PEPD: variants seen among roughly 807,000 people sequenced by gnomAD.
The protein encoded by PEPD is peptidase D.
PEPD carries 53 observed loss-of-function variants against 60.7 expected under a neutral mutation model. That is an observed-to-expected ratio of 0.87 (90% CI 0.70 to 1.10). The LOEUF (loss-of-function observed/expected upper bound fraction) is 1.10. Among genes scored for constraint, PEPD ranks in the 50% least tolerant of loss-of-function variants. The pLI, the probability that PEPD is intolerant of heterozygous loss-of-function variation, is 0.00. For synonymous variants in PEPD, 267 were observed against 284.1 expected (o/e 0.94, Z 0.60); for missense variants, 711 against 711.9 (o/e 1.00, Z 0.01).
chr19:33,463,939 A>G (rs1198963927), intron 8 of PEPD, 48 bp downstream of exon 8: 4 of 1,291,024 alleles, frequency 3.1e-6, no homozygotes, highest in Non-Finnish European at 4.5e-6. Flanking sequence ...CTCTCGCCAC[A>G]CAGCAACACT....
At chr19:33,518,857 G>A (rs993694608) in intron 1 of PEPD, among the ~76,000 whole-genome samples, 7 of 152,172 alleles carry the variant, frequency 4.6e-5, no homozygotes, top group Admixed American at 2.6e-4. Context: ...TGAGTGTTCT[G>A]GAGTTCTGAG....
intron 1 of PEPD, among the ~76,000 whole-genome samples, chr19:33,518,210 G>GC (rs1371229491): frequency 6.6e-6 from 1 of 152,166 alleles, no homozygotes; most frequent in African/African-American, 2.4e-5. Context: ...GTCTCCTGGG[G>GC]CGGATAGGGG....
At chr19:33,430,642 A>G (rs1461615902) in intron 9 of PEPD, among the ~76,000 whole-genome samples, 1 of 152,188 alleles carries the variant, frequency 6.6e-6, no homozygotes, top group East Asian at 1.9e-4. Context: ...TGGCATATGT[A>G]TCTTTTTATC....
intron 10 of PEPD, 70 bp downstream of exon 10, chr19:33,413,504 GC>G (rs1207532089): frequency 6.0e-6 from 5 of 832,954 alleles, no homozygotes; most frequent in Non-Finnish European, 8.1e-6. Flanking sequence ...GGATGGTGGA[GC>G]CCCCCACTCA....
chr19:33,472,161 CA>C (rs35352427), intron 7 of PEPD, among the ~76,000 whole-genome samples: 3,482 of 126,686 alleles, frequency 0.027, 135 homozygotes, highest in African/African-American at 0.084. Flanking sequence ...AACTCCATCT[CA>C]AAAAAAAAAA....
intron 3 of PEPD, among the ~76,000 whole-genome samples, chr19:33,503,437 G>A (rs994007128): frequency 1.3e-5 from 2 of 152,170 alleles, no homozygotes; most frequent in South Asian, 2.1e-4. Context: ...AAATGGCCAA[G>A]GTCTGACACC....
chr19:33,487,027 C>T (rs1243045150), intron 6 of PEPD: 1 of 152,380 alleles, frequency 6.6e-6, no homozygotes, highest in Non-Finnish European at 1.5e-5. Context: ...TGAGAGGCAA[C>T]TGGGGCGGAA....
At position 33,471,363 on chromosome 19, in the gene PEPD, T is replaced by C. The variant is rs927277414; in HGVS notation, c.548+6683A>G. ...ATCTCACAGCACAAACACCAGAAAC[T>C]GTTTTTAAGATAACTGTAGAAAAGA... On this transcript the variant is annotated intron_variant, in intron 7 of 14. Transcript: ENST00000244137. 2.6e-5 allele frequency among the ~76,000 whole-genome samples: 4 copies of C among 152,316 alleles called. 1 individual carries two copies. The highest frequency in any genetic ancestry group is 2.6e-4 in the Admixed American group (4 of 15,308).
chr19:33,464,196 C>T, intron 7 of PEPD, 134 bp from the exon 8 acceptor site: 4 of 712,982 alleles, frequency 5.6e-6, no homozygotes, highest in East Asian at 5.3e-5. Context: ...CAGAGTGGGG[C>T]CACCAAGGCC....
chr19:33,503,685 C>T (rs764898024), intron 3 of PEPD, among the ~76,000 whole-genome samples: 4 of 152,218 alleles, frequency 2.6e-5, no homozygotes, highest in Non-Finnish European at 4.4e-5. Flanking sequence ...CTGGGATCAA[C>T]ACATCAACTC....
intron 6 of PEPD, among the ~76,000 whole-genome samples, chr19:33,488,132 G>A (rs1453181294): frequency 6.6e-6 from 1 of 152,084 alleles, no homozygotes; most frequent in Non-Finnish European, 1.5e-5. Flanking sequence ...CGCTGAGAAG[G>A]CCCTCGACTC....
At chr19:33,498,144 G>A (rs545398601) in intron 4 of PEPD, among the ~76,000 whole-genome samples, 3 of 152,186 alleles carry the variant, frequency 2.0e-5, no homozygotes, top group South Asian at 2.1e-4. Context: ...AGCATGAAGC[G>A]CTTGCTCTGC....
At chr19:33,415,584 C>G (rs570536512) in intron 9 of PEPD, among the ~76,000 whole-genome samples, 174 of 152,294 alleles carry the variant, frequency 1.1e-3, no homozygotes, top group Non-Finnish European at 2.1e-3. Flanking sequence ...GCTCTCTCGC[C>G]TGCAGCAAGC....
chr19:33,461,138 A>G (rs944801237), intron 9 of PEPD, among the ~76,000 whole-genome samples: 4 of 152,226 alleles, frequency 2.6e-5, no homozygotes, highest in Non-Finnish European at 5.9e-5. Context: ...AGTAGAAAAA[A>G]GTTCTCACCA....
At position 33,419,280 on chromosome 19, in the gene PEPD, G is replaced by A. The variant is rs1217405206; in HGVS notation, c.672-5637C>T. On this transcript the variant is annotated intron_variant, in intron 9 of 14. Transcript: ENST00000244137. ...CTCCCTGACTACTCAGCTCCTGCCA[G>A]GGAGCCCCACAAGGCACTGCACTGT... Among the ~76,000 whole-genome samples, 14 of 152,352 alleles carry A rather than the reference G, an allele frequency of 9.2e-5. No individual in the cohort carries two copies. In the East Asian group the frequency reaches 2.1e-3, roughly 23 times the overall value.
At chr19:33,438,917 G>A (rs574142620) in intron 9 of PEPD, among the ~76,000 whole-genome samples, 56 of 152,298 alleles carry the variant, frequency 3.7e-4, no homozygotes, top group African/African-American at 1.3e-3. Flanking sequence ...ATGGGGTTTT[G>A]CCATGTTGGC....
chr19:33,505,664 C>T (rs561837307), intron 3 of PEPD, among the ~76,000 whole-genome samples: 1 of 151,926 alleles, frequency 6.6e-6, no homozygotes, highest in East Asian at 1.9e-4. Context: ...CAACACACAA[C>T]ACACAACACA....
intron 9 of PEPD, among the ~76,000 whole-genome samples, chr19:33,456,433 A>G (rs113800098): frequency 0.016 from 2,423 of 152,286 alleles, 56 homozygotes; most frequent in Non-Finnish European, 0.022. Context: ...TAGGGCTTGG[A>G]CACGCAGATG....
In PEPD at chr19:33,512,764, C is replaced by A; in HGVS notation, c.30G>T (p.Trp10Cys). 1 of 1,614,086 alleles carries A rather than the reference C, an allele frequency of 6.2e-7. No homozygotes were observed. The highest frequency in any genetic ancestry group is 8.5e-7 in the Non-Finnish European group (1 of 1,179,994). Residue 10 changes from tryptophan (W) to cysteine (C), a missense_variant, in exon 2 of 15, where the codon TGG (tryptophan) becomes TGT (cysteine). Coordinates refer to ENST00000244137, the MANE Select transcript of PEPD (RefSeq NM_000285.4). MAAATGPSF[W>C]LGNETLKVPL... ...GCACCTTCAGGGTTTCATTCCCCAGCCAAAACGAGGGTCTGCAGAGGCAAG... is the reference window on the plus strand; with the variant it reads ...GCACCTTCAGGGTTTCATTCCCCAGACAAAACGAGGGTCTGCAGAGGCAAG...
Sources: gnomAD v4.1 joint callset for allele counts (sites outside exome capture counted in the v4.1 genomes callset) on GRCh38, gnomAD v4.1.1 for gene constraint, MANE v1.5 for transcripts, NCBI Gene and HGNC (gene_info 2026-07-23, HGNC 2026-07-21) for gene names.